GRID1: variants seen among roughly 807,000 people sequenced by gnomAD.
GRID1 encodes glutamate receptor ionotropic, delta-1.
In GRID1, 28 loss-of-function variants were observed where a neutral mutation model predicts 98.0. The ratio of observed to expected loss-of-function variants is 0.29; its 90% CI spans 0.21 to 0.39. GRID1 has a LOEUF of 0.39. Ranked by LOEUF, GRID1 falls within the 10% of genes least tolerant of loss-of-function variation. The probability of loss-of-function intolerance (pLI) is 1.00; values close to 1 mark genes in which losing one functional copy is unlikely to be tolerated. For synonymous variants in GRID1, 553 were observed against 538.5 expected (o/e 1.03, Z -0.37); for missense variants, 1,111 against 1,340.5 (o/e 0.83, Z 2.67).
rs946652083 is a variant in GRID1 at position 85,924,287 on chromosome 10, C to T, written c.727-8048G>A. On this transcript the variant is annotated intron_variant, in intron 4 of 15. Coordinates refer to ENST00000327946, the MANE Select transcript of GRID1 (RefSeq NM_017551.3). The stretch of plus-strand genomic sequence containing the variant: ...ATGGAACTAGTGTCCTCACTTTGCA[C>T]GAACTTCATTATACACTTGATTTTT... Among the ~76,000 whole-genome samples, 10 of 152,190 alleles carry T rather than the reference C, an allele frequency of 6.6e-5. No homozygotes were observed. In the South Asian group the frequency reaches 8.3e-4, roughly 13 times the overall value.
At chr10:86,188,426 G>A (rs1163178941) in intron 3 of GRID1, among the ~76,000 whole-genome samples, 3 of 152,284 alleles carry the variant, frequency 2.0e-5, no homozygotes, top group Admixed American at 2.0e-4. Flanking sequence ...GCCCTTGCTA[G>A]GCCTGTCCTG....
At chr10:85,710,151 A>AC (rs1305112715) in intron 12 of GRID1, among the ~76,000 whole-genome samples, 1 of 152,072 alleles carries the variant, frequency 6.6e-6, no homozygotes, top group Non-Finnish European at 1.5e-5. Context: ...ATTTCAAGGG[A>AC]CCCCCAAATA....
At chr10:85,949,908 A>ATGGG (rs1261628620) in intron 4 of GRID1, among the ~76,000 whole-genome samples, 1 of 139,282 alleles carries the variant, frequency 7.2e-6, no homozygotes, top group Non-Finnish European at 1.6e-5. Flanking sequence ...AACTATAGGG[A>ATGGG]TGGATGGATG....
rs1008730574 is a variant in GRID1, at chr10:86,365,473, C to T, written c.79+841G>A. ...CGCGCCCACTCCCCCTCGGCGCGCCCCCTCCTCCTCTGCGCTTTCATCTTC... is the reference window on the plus strand; with the variant it reads ...CGCGCCCACTCCCCCTCGGCGCGCCTCCTCCTCCTCTGCGCTTTCATCTTC... On this transcript the variant is annotated intron_variant, in intron 1 of 15. Coordinates refer to ENST00000327946, the MANE Select transcript of GRID1 (RefSeq NM_017551.3). This position sits in a 1 kb window ranked among gnomAD's most constrained non-coding sequence, Gnocchi z 4.8. 6.6e-6 allele frequency among the ~76,000 whole-genome samples: 1 copy of T among 151,620 alleles called. No individual in the cohort carries two copies. Among genetic ancestry groups the T allele is most frequent in the Non-Finnish European group, 1.5e-5 (1 of 67,894 alleles).
intron 4 of GRID1, among the ~76,000 whole-genome samples, chr10:86,073,261 C>A (rs1273400784): frequency 6.6e-6 from 1 of 152,218 alleles, no homozygotes; most frequent in Non-Finnish European, 1.5e-5. Flanking sequence ...CAACAGAGCA[C>A]CCCTGAGGGA....
chr10:85,846,634 A>G (rs749888898), intron 8 of GRID1, among the ~76,000 whole-genome samples: 59 of 152,354 alleles, frequency 3.9e-4, no homozygotes, highest in Non-Finnish European at 5.4e-4. Flanking sequence ...AAAAAAATCA[A>G]TAGAAAAAAC....
intron 4 of GRID1, among the ~76,000 whole-genome samples, chr10:86,121,573 ACAT>A (rs1844676399): frequency 1.3e-3 from 4 of 3,122 alleles, no homozygotes; most frequent in East Asian, 8.9e-3. Flanking sequence ...ATCACCATCA[ACAT>A]CACCACCATC....
intron 4 of GRID1, among the ~76,000 whole-genome samples, chr10:86,115,059 C>T (rs1042833366): frequency 4.6e-5 from 7 of 152,228 alleles, no homozygotes; most frequent in Non-Finnish European, 1.0e-4. Flanking sequence ...GAGGAGCAGG[C>T]AGGAGAAGCA....
chr10:86,106,299 C>G (rs1355604523), intron 4 of GRID1, among the ~76,000 whole-genome samples: 1 of 152,204 alleles, frequency 6.6e-6, no homozygotes, highest in Non-Finnish European at 1.5e-5. Flanking sequence ...CATCTCAATG[C>G]AATCACTAAA....
chr10:86,046,765 C>T (rs185795739), intron 4 of GRID1, among the ~76,000 whole-genome samples: 2 of 149,368 alleles, frequency 1.3e-5, no homozygotes, highest in Non-Finnish European at 2.9e-5. Context: ...ATTATCCCTA[C>T]AAAACTCACA....
Position 85,694,574 on chromosome 10 carries a change from A to G in GRID1, c.1997+28429T>C, listed in dbSNP as rs1196196898. Among the ~76,000 whole-genome samples the G allele has an allele frequency of 2.0e-4, 18 of 90,330 alleles. 1 individual carries two copies. Among genetic ancestry groups the G allele is most frequent in the Admixed American group, 3.8e-4 (4 of 10,424 alleles). 59.3% of individuals were successfully genotyped at this position (90,330 alleles called of 152,430 possible). On this transcript the variant is annotated intron_variant, in intron 12 of 15. Transcript: ENST00000327946. ...TGTATATATATATATATATATATAT[A>G]TATATATATATATATATATATATAT...
intron 2 of GRID1, among the ~76,000 whole-genome samples, chr10:86,256,081 G>A (rs920937007): frequency 2.0e-5 from 3 of 152,246 alleles, no homozygotes; most frequent in South Asian, 2.1e-4. Flanking sequence ...TTTTCCAGAC[G>A]CACAGGTGGG....
At chr10:85,879,296 A>G (rs549961740) in intron 5 of GRID1, among the ~76,000 whole-genome samples, 4 of 152,160 alleles carry the variant, frequency 2.6e-5, no homozygotes, top group African/African-American at 9.7e-5. Flanking sequence ...AGAACTCTCC[A>G]CCCCAAATCA....
At position 86,053,525 on chromosome 10, in the gene GRID1, A is replaced by C. The variant is rs182281374; in HGVS notation, c.726+85294T>G. On this transcript the variant is annotated intron_variant, in intron 4 of 15. Coordinates refer to ENST00000327946, the MANE Select transcript of GRID1 (RefSeq NM_017551.3). Reference sequence around the variant, plus strand: ...AGGCATGCGCCACCATGCCTGGCTAATTTTTTTTGTATTTTTAGTAGAGAT... The same window carrying C: ...AGGCATGCGCCACCATGCCTGGCTACTTTTTTTTGTATTTTTAGTAGAGAT... Among the ~76,000 whole-genome samples the C allele has an allele frequency of 5.1e-3, 765 of 151,014 alleles. 10 individuals carry two copies. The highest frequency in any genetic ancestry group is 0.016 in the African/African-American group (664 of 41,088).
chr10:86,140,024 T>A (rs1377588685), intron 3 of GRID1, among the ~76,000 whole-genome samples: 1 of 152,220 alleles, frequency 6.6e-6, no homozygotes, highest in African/African-American at 2.4e-5. Context: ...CAATGTCATT[T>A]TCAGCCCCTG....
At chr10:85,771,372 C>G (rs1355469431) in intron 8 of GRID1, among the ~76,000 whole-genome samples, 1 of 152,132 alleles carries the variant, frequency 6.6e-6, no homozygotes, top group African/African-American at 2.4e-5. Context: ...AAAATCATGC[C>G]AAATTGTAAA....
chr10:86,272,629 G>C (rs1564725430), intron 2 of GRID1, among the ~76,000 whole-genome samples: 1 of 152,158 alleles, frequency 6.6e-6, no homozygotes, highest in Non-Finnish European at 1.5e-5. Context: ...AGACCAAAAA[G>C]TGACAGGCAT....
chr10:85,988,070 C>T (rs556293344), intron 4 of GRID1, among the ~76,000 whole-genome samples: 24 of 152,096 alleles, frequency 1.6e-4, no homozygotes, highest in Non-Finnish European at 3.2e-4. Flanking sequence ...TGGCATGCCC[C>T]CTCCATCTCC....
intron 2 of GRID1, among the ~76,000 whole-genome samples, chr10:86,327,414 T>A (rs1404666948): frequency 1.3e-5 from 2 of 152,130 alleles, no homozygotes; most frequent in Non-Finnish European, 2.9e-5. Flanking sequence ...CTTAAAGAAT[T>A]TCCCCAAGCA....
Sources: gnomAD v4.1 joint callset for allele counts (sites outside exome capture counted in the v4.1 genomes callset) on GRCh38, gnomAD v4.1.1 for gene constraint, Gnocchi (gnomAD v3.1) non-coding constraint, MANE v1.5 for transcripts, NCBI Gene and HGNC (gene_info 2026-07-23, HGNC 2026-07-21) for gene names.